The following RNF121 variants were observed in gnomAD, a reference collection of about 807,000 sequenced individuals.
RNF121 encodes the protein ring finger protein 121.
A neutral mutation model predicts 46.5 loss-of-function variants in RNF121; 21 were observed. That is an observed-to-expected ratio of 0.45 (90% CI 0.32 to 0.65). The LOEUF (loss-of-function observed/expected upper bound fraction) is 0.65, where lower values mean the gene tolerates loss of function less well. Among genes scored for constraint, RNF121 ranks in the 30% least tolerant of loss-of-function variants. The pLI is 0.04. For missense variants in RNF121, 346 were observed against 416.0 expected (o/e 0.83, Z 1.46); for synonymous variants, 139 against 144.7 (o/e 0.96, Z 0.28).
At chr11:71,991,165 T>A (rs1360139048) in intron 6 of RNF121, among the ~76,000 whole-genome samples, 1 of 152,086 alleles carries the variant, frequency 6.6e-6, no homozygotes, top group Non-Finnish European at 1.5e-5. Context: ...CAGACCTCAG[T>A]ATCACGCAGT....
intron 3 of RNF121, chr11:71,962,013 G>A (rs1954146682): frequency 6.7e-6 from 1 of 148,938 alleles, no homozygotes. Context: ...TGTCGCCCAG[G>A]CGGGAGTGCA....
intron 1 of RNF121, among the ~76,000 whole-genome samples, chr11:71,933,984 T>C (rs1269134480): frequency 3.3e-5 from 5 of 152,254 alleles, no homozygotes; most frequent in African/African-American, 4.8e-5. Context: ...TTTCTGGCTC[T>C]AGCACTCTAT....
chr11:71,984,592 C>CTATT (rs768716454), intron 4 of RNF121, among the ~76,000 whole-genome samples: 1 of 147,982 alleles, frequency 6.8e-6, no homozygotes, highest in Non-Finnish European at 1.5e-5. Context: ...TAACTACTAG[C>CTATT]TATTTATTTA....
intron 3 of RNF121, among the ~76,000 whole-genome samples, chr11:71,975,931 T>C (rs1024913808): frequency 6.6e-6 from 1 of 152,180 alleles, no homozygotes; most frequent in African/African-American, 2.4e-5. Context: ...GCCTGACTTA[T>C]GTGGTAAGGA....
Position 71,929,068 on chromosome 11 carries a change from G to A in RNF121, c.7G>A (p.Ala3Thr). Residue 3 changes from alanine (A) to threonine (T), a missense_variant, in exon 1 of 9, where the codon GCA becomes ACA. By Grantham distance (58) the Ala-to-Thr change is moderately conservative. Transcript: ENST00000361756. ...GAGGGGGCGAGCCGTGAAGATGGCG[G>A]CAGTGGTGGAGGTGGAGGTTGGAGG... MA[A>T]VVEVEVGGGA... 6.4e-7 allele frequency: 1 copy of A among 1,551,546 alleles called. No homozygotes were observed. Among genetic ancestry groups the A allele is most frequent in the Non-Finnish European group, 8.7e-7 (1 of 1,147,032 alleles).
chr11:71,968,543 TCTG>T, intron 3 of RNF121, among the ~76,000 whole-genome samples: 1 of 152,354 alleles, frequency 6.6e-6, no homozygotes, highest in East Asian at 1.9e-4. Flanking sequence ...CATTCTCAAA[TCTG>T]CTGTAGGTTA....
intron 1 of RNF121, among the ~76,000 whole-genome samples, chr11:71,930,712 T>G (rs1300161379): frequency 6.6e-6 from 1 of 152,236 alleles, no homozygotes; most frequent in Non-Finnish European, 1.5e-5. Context: ...GAAGTTCTTA[T>G]TTAAGGTTTG....
chr11:71,970,301 C>T (rs987392461), intron 3 of RNF121, among the ~76,000 whole-genome samples: 43 of 152,040 alleles, frequency 2.8e-4, no homozygotes, highest in African/African-American at 1.0e-3. Flanking sequence ...GATAGTAATA[C>T]ATAACAGTAT....
intron 3 of RNF121, among the ~76,000 whole-genome samples, chr11:71,977,447 C>T (rs1339717254): frequency 6.6e-6 from 1 of 152,194 alleles, no homozygotes; most frequent in East Asian, 1.9e-4. Context: ...CTGATGGTTC[C>T]AGCTCTCAGT....
intron 5 of RNF121, among the ~76,000 whole-genome samples, chr11:71,988,100 A>G (rs1338746277): frequency 1.3e-5 from 2 of 152,194 alleles, no homozygotes; most frequent in African/African-American, 2.4e-5. Flanking sequence ...GTTGTTTTCA[A>G]TTTAGTATTA....
chr11:71,994,865 G>A lies in RNF121; in HGVS notation c.761+13G>A, dbSNP rs748464246. The A allele has an allele frequency of 1.4e-4, 225 of 1,613,906 alleles. No homozygotes were observed. The highest frequency in any genetic ancestry group is 1.8e-4 in the Admixed American group (11 of 60,002). Reference sequence around the variant, plus strand: ...CCTGCAATCATGTGTATCCTGCCTCGAGCTCCTGGGCCACATCTCTCCTGC... The same window carrying A: ...CCTGCAATCATGTGTATCCTGCCTCAAGCTCCTGGGCCACATCTCTCCTGC... On this transcript the variant is annotated intron_variant, in intron 7 of 8. Transcript: ENST00000361756.
chr11:71,953,247 T>C (rs533393614), intron 1 of RNF121, among the ~76,000 whole-genome samples: 87 of 152,308 alleles, frequency 5.7e-4, no homozygotes, highest in African/African-American at 2.0e-3. Context: ...TTACCCAGGC[T>C]GGTCTCAAAT....
intron 1 of RNF121, among the ~76,000 whole-genome samples, chr11:71,931,833 A>G (rs2134139623): frequency 6.6e-6 from 1 of 152,296 alleles, no homozygotes; most frequent in Admixed American, 6.5e-5. Context: ...TGGCATTAAT[A>G]TTGCCCCCTG....
intron 3 of RNF121, among the ~76,000 whole-genome samples, chr11:71,964,594 C>T (rs1954228006): frequency 6.6e-6 from 1 of 152,088 alleles, no homozygotes; most frequent in Admixed American, 6.6e-5. Flanking sequence ...CCTCCCACCT[C>T]AGACTTCCAA....
At chr11:71,937,975 A>T (rs1203137909) in intron 1 of RNF121, among the ~76,000 whole-genome samples, 3 of 152,208 alleles carry the variant, frequency 2.0e-5, no homozygotes, top group Non-Finnish European at 4.4e-5. Flanking sequence ...CAGCTTTCCC[A>T]AGAGGATGCT....
chr11:71,934,544 C>A (rs987739728), intron 1 of RNF121, among the ~76,000 whole-genome samples: 1 of 152,182 alleles, frequency 6.6e-6, no homozygotes, highest in Non-Finnish European at 1.5e-5. Context: ...GTGGTTCTCT[C>A]CCTATAGACA....
chr11:71,946,532 G>A (rs868609655), intron 1 of RNF121, among the ~76,000 whole-genome samples: 1 of 152,036 alleles, frequency 6.6e-6, no homozygotes, highest in Non-Finnish European at 1.5e-5. Flanking sequence ...TTCAGCTGCT[G>A]AATGAATTCA....
rs920467555 is a variant in RNF121, at chr11:71,989,112, T to C, written c.507-1485T>C. Among the ~76,000 whole-genome samples the C allele has an allele frequency of 6.6e-5, 10 of 151,574 alleles. No individual in the cohort carries two copies. The South Asian group carries it at 2.1e-3, about 32-fold the overall frequency. On this transcript the variant is annotated intron_variant, in intron 5 of 8. Transcript: ENST00000361756. ...TTTGTTTGTTTGTTTTGAGATGGAGTCTTGCTTTGTCGCCTAGGCTAGAGT... is the reference window on the plus strand; with the variant it reads ...TTTGTTTGTTTGTTTTGAGATGGAGCCTTGCTTTGTCGCCTAGGCTAGAGT...
Position 71,929,247 on chromosome 11 carries a change from G to A in RNF121, c.63+123G>A, listed in dbSNP as rs865836309. ...ATCCTGAGAGGGAAGGAGCTGACTA[G>A]GGGGCGGGTGCGTGGAGAGCGAAGT... is the stretch of plus-strand genomic sequence containing the variant. On this transcript the variant is annotated intron_variant, in intron 1 of 8. Coordinates refer to ENST00000361756, the MANE Select transcript of RNF121 (RefSeq NM_018320.5). 84 of 1,433,364 alleles carry A rather than the reference G, an allele frequency of 5.9e-5. No homozygotes were observed. In the Middle Eastern group the frequency reaches 1.2e-3, roughly 20 times the overall value. 88.8% of individuals were successfully genotyped at this position (1,433,364 alleles called of 1,614,324 possible).
Sources: gnomAD v4.1 joint callset for allele counts (sites outside exome capture counted in the v4.1 genomes callset) on GRCh38, gnomAD v4.1.1 for gene constraint, MANE v1.5 for transcripts, NCBI Gene and HGNC (gene_info 2026-07-23, HGNC 2026-07-21) for gene names.